Variants in VEZT observed in about 807,000 individuals in gnomAD.
The protein encoded by VEZT is vezatin.
VEZT carries 39 observed loss-of-function variants against 79.9 expected under a neutral mutation model. The observed-to-expected ratio is 0.49, with a 90% CI of 0.38 to 0.64. VEZT has a LOEUF of 0.64. VEZT is among the 30% of genes least tolerant of loss of function. The probability of loss-of-function intolerance (pLI) is 0.00; values close to 1 mark genes in which losing one functional copy is unlikely to be tolerated. For missense variants in VEZT, 837 were observed against 893.1 expected (o/e 0.94, Z 0.80); for synonymous variants, 325 against 327.6 (o/e 0.99, Z 0.09).
chr12:95,275,182 G>T (rs973306512), intron 7 of VEZT, among the ~76,000 whole-genome samples: 33 of 152,202 alleles, frequency 2.2e-4, no homozygotes, highest in African/African-American at 7.7e-4. Flanking sequence ...CAACGTGAGT[G>T]ATTTTATAAC....
intron 4 of VEZT, among the ~76,000 whole-genome samples, chr12:95,265,763 G>A (rs1470927574): frequency 6.6e-6 from 1 of 152,118 alleles, no homozygotes; most frequent in Non-Finnish European, 1.5e-5. Flanking sequence ...CTTGGTGTCA[G>A]AGGAAGGTTT....
Position 95,257,159 on chromosome 12 carries a change from C to T in VEZT, c.178C>T (p.Leu60=). Residue 60 remains leucine (L), a synonymous_variant, in exon 3 of 12, where the codon CTG becomes TTG. Coordinates refer to ENST00000436874, the MANE Select transcript of VEZT (RefSeq NM_017599.4). ...CATTCATTTCCTTCAGCAAGGTATCCTGTTAAAAGTGGCTGAAACCATCAA... is the reference window on the plus strand; with the variant it reads ...CATTCATTTCCTTCAGCAAGGTATCTTGTTAAAAGTGGCTGAAACCATCAA... ...PTRVLPKQGI[L]LKVAETIKSW... The T allele has an allele frequency of 5.0e-6, 8 of 1,609,622 alleles. No homozygotes were observed. Among genetic ancestry groups the T allele is most frequent in the Non-Finnish European group, 6.8e-6 (8 of 1,178,066 alleles).
At chr12:95,269,985 G>A (rs2066278258) in intron 5 of VEZT, 66 bp from the exon 6 acceptor site, 3 of 1,543,776 alleles carry the variant, frequency 1.9e-6, no homozygotes, top group African/African-American at 2.8e-5. Context: ...TGTGGATTTA[G>A]GAAACAAAAA....
At chr12:95,253,056 G>A (rs2062870347) in intron 2 of VEZT, among the ~76,000 whole-genome samples, 1 of 152,198 alleles carries the variant, frequency 6.6e-6, no homozygotes, top group African/African-American at 2.4e-5. Flanking sequence ...TAGCTTGTAA[G>A]AGGTAGAGTT....
intron 8 of VEZT, among the ~76,000 whole-genome samples, chr12:95,284,374 G>T (rs2070026718): frequency 6.6e-6 from 1 of 151,894 alleles, no homozygotes; most frequent in Non-Finnish European, 1.5e-5. Flanking sequence ...CCCACTCTCA[G>T]TGCCTCATGT....
intron 10 of VEZT, 59 bp downstream of exon 10, chr12:95,294,431 A>T: frequency 7.8e-7 from 1 of 1,282,902 alleles, no homozygotes; most frequent in Non-Finnish European, 1.1e-6. Context: ...ATGAGCTTCA[A>T]AATTACAACA....
chr12:95,263,143 C>A (rs1566149655), intron 4 of VEZT, 62 bp downstream of exon 4: 2 of 1,368,266 alleles, frequency 1.5e-6, no homozygotes, highest in East Asian at 2.4e-5. Flanking sequence ...CAGAGGAAAC[C>A]CATCATTGTG....
At chr12:95,222,551 A>G (rs1314917283) in intron 1 of VEZT, among the ~76,000 whole-genome samples, 1 of 152,124 alleles carries the variant, frequency 6.6e-6, no homozygotes, top group African/African-American at 2.4e-5. Context: ...ACTATAATTT[A>G]AAAAATAGGT....
At chr12:95,290,025 C>G (rs1040342902) in intron 9 of VEZT, among the ~76,000 whole-genome samples, 1 of 152,138 alleles carries the variant, frequency 6.6e-6, no homozygotes, top group Non-Finnish European at 1.5e-5. Flanking sequence ...CCTGTGTACC[C>G]ACAGTATACC....
chr12:95,294,275 A>G lies in VEZT; in HGVS notation c.1526A>G (p.Lys509Arg), dbSNP rs537902406. 1.7e-5 allele frequency: 27 copies of G among 1,582,208 alleles called. No homozygotes were observed. The South Asian group carries it at 3.1e-4, about 18-fold the overall frequency. The change falls in exon 10 of 12, where the codon AAG becomes AGG. Residue 509 changes from lysine to arginine, a missense_variant. Transcript: ENST00000436874. Reference sequence around the variant, plus strand: ...CATCTATTCCCGTTTTTTAAAGGCAAGCCTGAAATAGCATGTGAAAACCCA... The same window carrying G: ...CATCTATTCCCGTTTTTTAAAGGCAGGCCTGAAATAGCATGTGAAAACCCA... ...LLRRNTDKKGKPEIACENPHC... is the reference protein window; with the variant it reads ...LLRRNTDKKGRPEIACENPHC...
At chr12:95,265,902 T>C (rs2138557442) in intron 4 of VEZT, among the ~76,000 whole-genome samples, 1 of 152,298 alleles carries the variant, frequency 6.6e-6, no homozygotes, top group Admixed American at 6.5e-5. Flanking sequence ...AGACATGTTC[T>C]GGGCCAACTT....
At chr12:95,253,733 G>C (rs2062995326) in intron 2 of VEZT, among the ~76,000 whole-genome samples, 1 of 152,150 alleles carries the variant, frequency 6.6e-6, no homozygotes, top group Non-Finnish European at 1.5e-5. Flanking sequence ...TTATAAATAA[G>C]TCAAGTGAGA....
chr12:95,256,197 A>G (rs1566115849), intron 2 of VEZT, among the ~76,000 whole-genome samples: 1 of 152,028 alleles, frequency 6.6e-6, no homozygotes, highest in Non-Finnish European at 1.5e-5. Flanking sequence ...GATTACAGGC[A>G]TGCACCACTA....
Position 95,300,590 on chromosome 12 carries a change from A to G in VEZT, c.2257A>G (p.Thr753Ala), listed in dbSNP as rs762370915. The change falls in exon 12 of 12, where the codon ACC becomes GCC. Residue 753 changes from threonine to alanine, a missense_variant. Coordinates refer to ENST00000436874, the MANE Select transcript of VEZT (RefSeq NM_017599.4). ...AEVAARSLSF[T>A]TMQEQTFGGE... Reference sequence around the variant, plus strand: ...AGTGGCTGCTAGATCTCTCTCCTTTACCACCATGCAGGAACAGACTTTTGG... The same window carrying G: ...AGTGGCTGCTAGATCTCTCTCCTTTGCCACCATGCAGGAACAGACTTTTGG... 7 of 1,613,742 alleles carry G rather than the reference A, an allele frequency of 4.3e-6. No homozygotes were observed. The Admixed American group carries it at 1.2e-4, about 27-fold the overall frequency.
chr12:95,247,527 G>A (rs894125569), intron 1 of VEZT, among the ~76,000 whole-genome samples: 4 of 151,886 alleles, frequency 2.6e-5, no homozygotes, highest in African/African-American at 4.8e-5. Flanking sequence ...ATTGTAACAG[G>A]TTTATTGCTA....
In VEZT at chr12:95,230,659, T is replaced by C. The variant is rs1360596920; in HGVS notation, c.36+12773T>C. ...ATCTCTTAATATCCAAACATTATAT[T>C]AAAGTTTACTGCATGCTCTCCTCAC... On this transcript the variant is annotated intron_variant, in intron 1 of 11. Coordinates refer to ENST00000436874, the MANE Select transcript of VEZT (RefSeq NM_017599.4). Among the ~76,000 whole-genome samples, 6 of 152,080 alleles carry C rather than the reference T, an allele frequency of 3.9e-5. No homozygotes were observed. In the East Asian group the frequency reaches 1.2e-3, roughly 29 times the overall value.
chr12:95,254,640 G>C (rs147729903), intron 2 of VEZT, among the ~76,000 whole-genome samples: 1 of 152,074 alleles, frequency 6.6e-6, no homozygotes, highest in African/African-American at 2.4e-5. Flanking sequence ...CACCATGCCC[G>C]ACCAATTTTT....
At chr12:95,227,764 T>G (rs2058701026) in intron 1 of VEZT, among the ~76,000 whole-genome samples, 1 of 152,214 alleles carries the variant, frequency 6.6e-6, no homozygotes, top group Non-Finnish European at 1.5e-5. Context: ...GGCCTTAAAT[T>G]TTAATTGCAG....
intron 1 of VEZT, among the ~76,000 whole-genome samples, chr12:95,229,127 T>C (rs2058895414): frequency 6.6e-6 from 1 of 152,228 alleles, no homozygotes; most frequent in Admixed American, 6.5e-5. Context: ...TTTCTGCTTA[T>C]GTTGTGTCAT....
Sources: gnomAD v4.1 joint callset for allele counts (sites outside exome capture counted in the v4.1 genomes callset) on GRCh38, gnomAD v4.1.1 for gene constraint, MANE v1.5 for transcripts, NCBI Gene and HGNC (gene_info 2026-07-23, HGNC 2026-07-21) for gene names.